RANBP2: variants seen among roughly 807,000 people sequenced by gnomAD.
RANBP2 encodes RAN binding protein 2.
RANBP2 carries 57 observed loss-of-function variants against 303.6 expected under a neutral mutation model. The ratio of observed to expected loss-of-function variants is 0.19; its 90% CI spans 0.15 to 0.23. The LOEUF is 0.23. Among genes scored for constraint, RANBP2 ranks in the 10% least tolerant of loss-of-function variants. RANBP2 has a pLI of 1.00. For missense variants in RANBP2, 3,138 were observed against 3,780.8 expected, an observed-to-expected ratio of 0.83 and a Z score of 4.46; for synonymous variants, 1,167 against 1,301.5, an observed-to-expected ratio of 0.90 and a Z score of 2.23.
At chr2:109,408,570 G>C in the RANBP2 span, among the ~76,000 whole-genome samples, 1 of 152,224 alleles carries the variant, frequency 6.6e-6, no homozygotes, top group African/African-American at 2.4e-5. Flanking sequence ...CCCATTCGCT[G>C]TCCCCTCTAC....
the RANBP2 span, among the ~76,000 whole-genome samples, chr2:109,053,152 C>T: frequency 6.6e-6 from 1 of 152,198 alleles, no homozygotes; most frequent in African/African-American, 2.4e-5. Context: ...GATCTCCAGG[C>T]CTCAGGCTGG....
chr2:108,764,440 G>T lies in RANBP2; in HGVS notation c.3901G>T (p.Ala1301Ser). The change falls in exon 20 of 29, where the codon GCC (alanine) becomes TCC (serine). Residue 1301 changes from alanine to serine, a missense_variant. By Grantham distance (99) the Ala-to-Ser change is moderately conservative. Around this residue, in one of 20 missense-constraint regions of RANBP2, gnomAD observed 388 missense variants for 328.5 expected, o/e 1.18. Coordinates refer to ENST00000283195, the MANE Select transcript of RANBP2 (RefSeq NM_006267.5). Reference protein sequence around the residue: ...AALFKCKFEEAQSILKAPGTN... With the variant: ...AALFKCKFEESQSILKAPGTN... ...ACTTTTTAAATGCAAGTTTGAAGAA[G>T]CCCAGAGCATTTTAAAAGCCCCAGG... is the stretch of plus-strand genomic sequence containing the variant. 6.2e-7 allele frequency: 1 copy of T among 1,614,010 alleles called. No homozygotes were observed. The highest frequency in any genetic ancestry group is 1.1e-5 in the South Asian group (1 of 91,080).
the RANBP2 span, among the ~76,000 whole-genome samples, chr2:108,954,309 T>C: frequency 1.3e-5 from 2 of 152,204 alleles, no homozygotes; most frequent in African/African-American, 2.4e-5. Context: ...CCCCAAGATA[T>C]ATGGGCTGCC....
the RANBP2 span, among the ~76,000 whole-genome samples, chr2:109,204,112 C>T: frequency 1.3e-5 from 2 of 152,196 alleles, no homozygotes; most frequent in Admixed American, 6.5e-5. Flanking sequence ...TCAGACAAGG[C>T]GAAGAGGGTA....
chr2:109,471,414 C>T, the RANBP2 span, among the ~76,000 whole-genome samples: 2 of 152,006 alleles, frequency 1.3e-5, no homozygotes, highest in Non-Finnish European at 2.9e-5. Flanking sequence ...CTCATAAAAC[C>T]ATTGGATCTC....
chr2:109,243,156 G>A, the RANBP2 span, among the ~76,000 whole-genome samples: 1 of 152,258 alleles, frequency 6.6e-6, no homozygotes, highest in Admixed American at 6.5e-5. Flanking sequence ...GCCTTGTGCA[G>A]GTGTCTTGTA....
At chr2:109,601,946 T>C in the RANBP2 span, among the ~76,000 whole-genome samples, 7 of 152,268 alleles carry the variant, frequency 4.6e-5, no homozygotes, top group East Asian at 1.4e-3. Context: ...GTCCGTCATA[T>C]GGAAATGCGC....
chr2:109,558,398 C>CA, the RANBP2 span, among the ~76,000 whole-genome samples: 12 of 152,236 alleles, frequency 7.9e-5, no homozygotes, highest in Middle Eastern at 0.014. Context: ...ATCTTCCTTT[C>CA]AAAGCTACAG....
At chr2:109,044,478 G>A in the RANBP2 span, among the ~76,000 whole-genome samples, 1 of 152,048 alleles carries the variant, frequency 6.6e-6, no homozygotes, top group Non-Finnish European at 1.5e-5. Context: ...AACCGAGATG[G>A]CGCCACTGCA....
At chr2:109,088,598 C>T in the RANBP2 span, among the ~76,000 whole-genome samples, 36 of 152,044 alleles carry the variant, frequency 2.4e-4, no homozygotes, top group Middle Eastern at 3.4e-3. Context: ...CTGCAATCTC[C>T]GGGGTTCAAG....
the RANBP2 span, among the ~76,000 whole-genome samples, chr2:108,980,774 T>C: frequency 2.0e-5 from 3 of 152,022 alleles, no homozygotes; most frequent in African/African-American, 7.2e-5. Flanking sequence ...CTTGAATCAG[T>C]GTGGCCAGAG....
the RANBP2 span, chr2:109,667,091 T>C: frequency 2.3e-6 from 2 of 857,234 alleles, no homozygotes; most frequent in Non-Finnish European, 3.7e-6. Flanking sequence ...ACATAGATCA[T>C]AATCTAAATA....
the RANBP2 span, chr2:108,882,718 CT>C: frequency 6.6e-6 from 1 of 152,224 alleles, no homozygotes; most frequent in Non-Finnish European, 1.5e-5. Flanking sequence ...TCATTTTCTT[CT>C]CAGGCCTCCT....
the RANBP2 span, among the ~76,000 whole-genome samples, chr2:108,959,139 C>T: frequency 5.3e-5 from 8 of 152,214 alleles, no homozygotes; most frequent in Non-Finnish European, 1.2e-4. Flanking sequence ...CAGCTAGAAT[C>T]GTGACTAATG....
the RANBP2 span, chr2:109,618,592 T>A: frequency 2.4e-5 from 4 of 167,066 alleles, no homozygotes; most frequent in Non-Finnish European, 4.4e-5. Flanking sequence ...GCTACTTAAC[T>A]TTACATTCCT....
the RANBP2 span, among the ~76,000 whole-genome samples, chr2:109,006,357 C>T: frequency 6.6e-6 from 1 of 151,968 alleles, no homozygotes; most frequent in Non-Finnish European, 1.5e-5. Flanking sequence ...ACACGCTTGG[C>T]TAATTTTTTG....
At chr2:108,845,658 G>A in the RANBP2 span, among the ~76,000 whole-genome samples, 2 of 147,892 alleles carry the variant, frequency 1.4e-5, no homozygotes, top group Non-Finnish European at 3.0e-5. Flanking sequence ...TGCAAGCTCC[G>A]CCTCCCGTGT....
At chr2:109,686,579 C>T in the RANBP2 span, among the ~76,000 whole-genome samples, 1 of 152,200 alleles carries the variant, frequency 6.6e-6, no homozygotes, top group African/African-American at 2.4e-5. Flanking sequence ...TCCCAACGTG[C>T]TGGGATTACA....
chr2:109,328,938 G>A, the RANBP2 span, among the ~76,000 whole-genome samples: 1 of 152,120 alleles, frequency 6.6e-6, no homozygotes, highest in Non-Finnish European at 1.5e-5. Context: ...GGTTGTTAAC[G>A]GGGTGGTCAT....
Sources: gnomAD v4.1 joint callset for allele counts (sites outside exome capture counted in the v4.1 genomes callset) on GRCh38, gnomAD v4.1.1 for gene constraint, gnomAD v4.1.1 regional missense constraint, MANE v1.5 for transcripts, NCBI Gene and HGNC (gene_info 2026-07-23, HGNC 2026-07-21) for gene names.